The following SORCS3 variants were observed in gnomAD, a reference collection of about 807,000 sequenced individuals.
The protein encoded by SORCS3 is sortilin related VPS10 domain containing receptor 3, also known as VPS10 domain-containing receptor SorCS3.
In SORCS3, 57 loss-of-function variants were observed where a neutral mutation model predicts 146.3. That is an observed-to-expected ratio of 0.39 (90% CI 0.31 to 0.49). The LOEUF (loss-of-function observed/expected upper bound fraction) is 0.49, where lower values mean the gene tolerates loss of function less well. Among genes scored for constraint, SORCS3 ranks in the 20% least tolerant of loss-of-function variants. The pLI is 0.92. For missense variants in SORCS3, 1,341 were observed against 1,575.5 expected (o/e 0.85, Z 2.52); for synonymous variants, 653 against 618.5 (o/e 1.06, Z -0.83).
rs145216432 is a variant in SORCS3, at chr10:104,844,250, T to C, written c.695+1391T>C. On this transcript the variant is annotated intron_variant, in intron 2 of 26. Transcript: ENST00000369701. ...ACTCACACGGTACTTTCCAGGAAAT[T>C]AGAACCTCAGAAACCTCCCTTCAAG... Among the ~76,000 whole-genome samples the C allele has an allele frequency of 2.5e-3, 385 of 152,204 alleles. 2 individuals carry two copies. The highest frequency in any genetic ancestry group is 8.8e-3 in the African/African-American group (366 of 41,524).
chr10:105,242,236 TTA>T (rs201673427), intron 20 of SORCS3, among the ~76,000 whole-genome samples: 1,979 of 142,652 alleles, frequency 0.014, 55 homozygotes, highest in South Asian at 0.054. Context: ...TTGTTATCAT[TTA>T]TATATATATA....
intron 2 of SORCS3, among the ~76,000 whole-genome samples, chr10:104,894,856 G>T (rs1047385637): frequency 6.6e-6 from 1 of 152,150 alleles, no homozygotes; most frequent in African/African-American, 2.4e-5. Flanking sequence ...CTCAGTTTTA[G>T]TTAGCATCCT....
At chr10:104,782,565 A>G (rs1036911156) in intron 1 of SORCS3, among the ~76,000 whole-genome samples, 2 of 152,204 alleles carry the variant, frequency 1.3e-5, no homozygotes, top group Admixed American at 1.3e-4. Context: ...CTGTTCTTGG[A>G]TACCTACAGA....
chr10:105,184,729 C>A (rs7898107), intron 14 of SORCS3, among the ~76,000 whole-genome samples: 2,672 of 152,256 alleles, frequency 0.018, 94 homozygotes, highest in African/African-American at 0.061. Flanking sequence ...ATATGTACAA[C>A]CATGACCATC....
At chr10:105,083,760 T>C (rs759900588) in intron 5 of SORCS3, among the ~76,000 whole-genome samples, 1 of 152,210 alleles carries the variant, frequency 6.6e-6, no homozygotes, top group Non-Finnish European at 1.5e-5. Flanking sequence ...TTCCAGTTCA[T>C]GTAGTCTAGA....
intron 2 of SORCS3, among the ~76,000 whole-genome samples, chr10:104,903,567 T>TA (rs755118497): frequency 2.0e-5 from 3 of 152,028 alleles, no homozygotes; most frequent in Non-Finnish European, 2.9e-5. Flanking sequence ...TTAACAATAA[T>TA]AAAAAAAGGC....
intron 4 of SORCS3, among the ~76,000 whole-genome samples, chr10:105,009,527 C>CAAAAAAAAAAAA (rs35368294): frequency 6.7e-5 from 7 of 105,140 alleles, no homozygotes; most frequent in Non-Finnish European, 1.2e-4. Context: ...AACAAACAAA[C>CAAAAAAAAAAAA]AAAAAAAAAA....
chr10:104,713,269 C>G (rs1464341291), intron 1 of SORCS3, among the ~76,000 whole-genome samples: 2 of 152,176 alleles, frequency 1.3e-5, no homozygotes, highest in Non-Finnish European at 2.9e-5. Context: ...AGGTTGTCAT[C>G]TTTGTTGCAT....
intron 1 of SORCS3, among the ~76,000 whole-genome samples, chr10:104,647,457 C>A (rs560049431): frequency 6.6e-6 from 1 of 152,218 alleles, no homozygotes; most frequent in African/African-American, 2.4e-5. Context: ...GTGCACCACA[C>A]ATTTTGTCAT....
intron 23 of SORCS3, 80 bp downstream of exon 23, chr10:105,252,986 A>G (rs1240084111): frequency 6.6e-6 from 10 of 1,517,008 alleles, no homozygotes; most frequent in South Asian, 1.3e-5. Flanking sequence ...TCAGCCAGAA[A>G]GGGAGACAGG....
chr10:105,183,352 A>G (rs1359235755), intron 14 of SORCS3, among the ~76,000 whole-genome samples: 1 of 150,280 alleles, frequency 6.7e-6, no homozygotes, highest in East Asian at 2.0e-4. Flanking sequence ...GCAAACCCCA[A>G]AGCTGCAGAG....
chr10:105,040,975 T>G (rs2055334090), intron 4 of SORCS3, among the ~76,000 whole-genome samples: 1 of 148,022 alleles, frequency 6.8e-6, no homozygotes, highest in Non-Finnish European at 1.5e-5. Context: ...AATATATATA[T>G]TTAGCATATA....
intron 5 of SORCS3, among the ~76,000 whole-genome samples, chr10:105,044,720 T>C (rs2055358054): frequency 6.6e-6 from 1 of 151,964 alleles, no homozygotes; most frequent in African/African-American, 2.4e-5. Flanking sequence ...TGTGTTGTTT[T>C]GTTCTTTGTA....
intron 5 of SORCS3, among the ~76,000 whole-genome samples, chr10:105,052,598 T>C (rs988210835): frequency 2.8e-4 from 42 of 152,230 alleles, no homozygotes; most frequent in African/African-American, 9.9e-4. Flanking sequence ...CTTTGACTAC[T>C]GCCATCTTCC....
At chr10:105,122,459 A>G (rs900478655) in intron 7 of SORCS3, among the ~76,000 whole-genome samples, 1 of 152,198 alleles carries the variant, frequency 6.6e-6, no homozygotes, top group East Asian at 1.9e-4. Context: ...TTGAGGATCT[A>G]CTATGTACCC....
At chr10:105,087,531 A>G (rs1472952933) in intron 5 of SORCS3, among the ~76,000 whole-genome samples, 2 of 151,880 alleles carry the variant, frequency 1.3e-5, no homozygotes, top group African/African-American at 4.8e-5. Flanking sequence ...CTTCAGAACA[A>G]ATAAAGTATC....
chr10:104,869,171 T>A (rs1217653881), intron 2 of SORCS3, among the ~76,000 whole-genome samples: 1 of 151,750 alleles, frequency 6.6e-6, no homozygotes, highest in African/African-American at 2.4e-5. Flanking sequence ...AAATATATAT[T>A]TATATACATA....
intron 7 of SORCS3, among the ~76,000 whole-genome samples, chr10:105,129,950 A>C (rs943362562): frequency 3.9e-5 from 6 of 152,070 alleles, no homozygotes; most frequent in African/African-American, 1.4e-4. Context: ...CACCTCTTGA[A>C]GCCTCCAGGT....
intron 1 of SORCS3, among the ~76,000 whole-genome samples, chr10:104,807,203 G>C (rs1364522946): frequency 1.3e-5 from 2 of 151,930 alleles, no homozygotes; most frequent in African/African-American, 2.4e-5. Context: ...GTGCGCATGT[G>C]TGTGTGTGCG....
Sources: allele counts gnomAD v4.1 joint callset (sites outside exome capture counted in the v4.1 genomes callset), GRCh38; gene constraint gnomAD v4.1.1; transcripts MANE v1.5; gene names NCBI Gene and HGNC (gene_info 2026-07-23, HGNC 2026-07-21).